CUX2: variants seen among roughly 807,000 people sequenced by gnomAD.
The protein encoded by CUX2 is homeobox protein cut-like 2.
Under a neutral mutation model 144.8 loss-of-function variants are expected in CUX2, and 40 were observed. That is an observed-to-expected ratio of 0.28 (90% CI 0.21 to 0.36). The LOEUF (loss-of-function observed/expected upper bound fraction) is 0.36, where lower values mean the gene tolerates loss of function less well. CUX2 is among the 10% of genes least tolerant of loss of function. The pLI is 1.00. For missense variants in CUX2, 1,615 were observed against 1,994.0 expected (o/e 0.81, Z 3.62); for synonymous variants, 827 against 875.6 (o/e 0.94, Z 0.98).
chr12:111,253,308 C>T (rs1167331869), intron 3 of CUX2, among the ~76,000 whole-genome samples: 1 of 150,778 alleles, frequency 6.6e-6, no homozygotes, highest in African/African-American at 2.5e-5. Context: ...TTCCCCCCGA[C>T]TCACCTCCCG....
intron 1 of CUX2, among the ~76,000 whole-genome samples, chr12:111,139,183 C>T (rs1222333339): frequency 1.3e-5 from 2 of 152,060 alleles, no homozygotes; most frequent in Non-Finnish European, 2.9e-5. Context: ...GGATGGTCTA[C>T]GAGGACCAAG....
chr12:111,315,270 G>T (rs1887133770), intron 16 of CUX2, among the ~76,000 whole-genome samples: 1 of 152,172 alleles, frequency 6.6e-6, no homozygotes, highest in African/African-American at 2.4e-5. Context: ...TGGGGACAGG[G>T]GTTTATATAT....
intron 1 of CUX2, among the ~76,000 whole-genome samples, chr12:111,126,048 G>GC (rs1875048244): frequency 6.7e-6 from 1 of 148,700 alleles, no homozygotes; most frequent in African/African-American, 2.6e-5. Context: ...GTGGCGTGGG[G>GC]GGGGCGGATT....
intron 1 of CUX2, among the ~76,000 whole-genome samples, chr12:111,093,014 C>T (rs748685652): frequency 6.6e-5 from 10 of 151,956 alleles, no homozygotes; most frequent in Non-Finnish European, 1.2e-4. Context: ...CAAGTTTTTG[C>T]CATATTGCCC....
At chr12:111,110,446 G>GT (rs1873871873) in intron 1 of CUX2, among the ~76,000 whole-genome samples, 1 of 152,090 alleles carries the variant, frequency 6.6e-6, no homozygotes, top group African/African-American at 2.4e-5. Context: ...CTTCGCCAGA[G>GT]TGACTCAAAC....
At chr12:111,089,818 AG>A (rs1872455292) in intron 1 of CUX2, among the ~76,000 whole-genome samples, 1 of 152,254 alleles carries the variant, frequency 6.6e-6, no homozygotes. Context: ...GCAGGCAAAA[AG>A]CAGAACCTAG....
chr12:111,318,988 C>T (rs1356990721), intron 16 of CUX2, among the ~76,000 whole-genome samples: 1 of 152,102 alleles, frequency 6.6e-6, no homozygotes, highest in East Asian at 1.9e-4. Flanking sequence ...TTGATCCATT[C>T]TCTGCATGGG....
chr12:111,177,895 G>T (rs1472560749), intron 1 of CUX2, among the ~76,000 whole-genome samples: 1 of 152,214 alleles, frequency 6.6e-6, no homozygotes, highest in African/African-American at 2.4e-5. Flanking sequence ...AAATATAACT[G>T]TCTCAAAGCA....
intron 4 of CUX2, among the ~76,000 whole-genome samples, chr12:111,290,181 A>G (rs768932502): frequency 6.6e-6 from 1 of 152,228 alleles, no homozygotes; most frequent in Non-Finnish European, 1.5e-5. Flanking sequence ...CCAGGGCAAC[A>G]TGGTGAGACT....
At chr12:111,298,511 C>T in intron 8 of CUX2, 30 bp from the exon 9 acceptor site, 1 of 1,559,424 alleles carries the variant, frequency 6.4e-7, no homozygotes, top group Non-Finnish European at 8.7e-7. Flanking sequence ...GCCGGAAGCC[C>T]TTCCTCAGGG....
At chr12:111,290,419 G>C (rs1885611062) in intron 4 of CUX2, among the ~76,000 whole-genome samples, 1 of 151,736 alleles carries the variant, frequency 6.6e-6, no homozygotes, top group Non-Finnish European at 1.5e-5. Flanking sequence ...GTGCCACCAT[G>C]CCCAGCTAAT....
At position 111,295,550 on chromosome 12, in the gene CUX2, C is replaced by A; in HGVS notation, c.637+141C>A. The stretch of plus-strand genomic sequence containing the variant: ...AAAATGGGAGTTTGGGAAGAATAAT[C>A]TTACCCAGTGGGGGGCTGAGCCTCT... On this transcript the variant is annotated intron_variant, in intron 7 of 21. Transcript: ENST00000261726. The surrounding 1 kb of genome is among the most constrained non-coding windows in gnomAD (Gnocchi z 5.0). 2 of 683,678 alleles carry A rather than the reference C, an allele frequency of 2.9e-6. No individual in the cohort carries two copies. The highest frequency in any genetic ancestry group is 4.8e-6 in the Non-Finnish European group (2 of 415,612). The allele number at this position is 683,678 out of a possible 1,614,324, so 42.4% of individuals were successfully genotyped here.
rs549930472 is a variant in CUX2, at chr12:111,154,393, C to T, written c.64-59807C>T. Among the ~76,000 whole-genome samples, 6 of 152,268 alleles carry T rather than the reference C, an allele frequency of 3.9e-5. No individual in the cohort carries two copies. In the South Asian group the frequency reaches 1.2e-3, roughly 32 times the overall value. On this transcript the variant is annotated intron_variant, in intron 1 of 21. Coordinates refer to ENST00000261726, the MANE Select transcript of CUX2 (RefSeq NM_015267.4). ...TCATGCAGTCCACCAGGCAGGAGCC[C>T]AGGCCACAGGGCTCCTCCCTCAGCC...
chr12:111,226,395 A>T (rs1293823639), intron 3 of CUX2, among the ~76,000 whole-genome samples: 1 of 152,200 alleles, frequency 6.6e-6, no homozygotes, highest in Non-Finnish European at 1.5e-5. Flanking sequence ...TTCCGAATTT[A>T]ATATTAAGAA....
chr12:111,315,301 A>G (rs1592956462), intron 16 of CUX2, among the ~76,000 whole-genome samples: 1 of 152,236 alleles, frequency 6.6e-6, no homozygotes, highest in Non-Finnish European at 1.5e-5. Flanking sequence ...ATCATTGTTC[A>G]TAAGAGTGAC....
At chr12:111,258,340 C>T (rs1156892592) in intron 3 of CUX2, among the ~76,000 whole-genome samples, 2 of 152,108 alleles carry the variant, frequency 1.3e-5, no homozygotes, top group Non-Finnish European at 2.9e-5. Context: ...TGGTGAAACC[C>T]CGTCTCTACT....
At chr12:111,158,370 G>A (rs1009251711) in intron 1 of CUX2, among the ~76,000 whole-genome samples, 4 of 151,832 alleles carry the variant, frequency 2.6e-5, no homozygotes, top group African/African-American at 9.7e-5. Context: ...CACTTTGGGA[G>A]GCCAAAGTGG....
chr12:111,346,921 A>G (rs1350120228), intron 21 of CUX2, among the ~76,000 whole-genome samples: 1 of 152,166 alleles, frequency 6.6e-6, no homozygotes, highest in African/African-American at 2.4e-5. Flanking sequence ...CTGAGGCAGG[A>G]GAATTGCTTG....
rs1880101422 is a variant in CUX2, at chr12:111,194,315, CTG to C, written c.64-19883_64-19882del. ...AGCACAAAATAAATGGAAGCCGTCA[CTG>C]TTATTATTCTCTCCATCCTGCATAA... On this transcript the variant is annotated intron_variant, in intron 1 of 21. Coordinates refer to ENST00000261726, the MANE Select transcript of CUX2 (RefSeq NM_015267.4). Among the ~76,000 whole-genome samples the C allele has an allele frequency of 2.6e-5, 4 of 152,342 alleles. No homozygotes were observed. The South Asian group carries it at 8.3e-4, about 32-fold the overall frequency.
Sources: allele counts gnomAD v4.1 joint callset (sites outside exome capture counted in the v4.1 genomes callset), GRCh38; gene constraint gnomAD v4.1.1; non-coding constraint Gnocchi (gnomAD v3.1); transcripts MANE v1.5; gene names NCBI Gene and HGNC (gene_info 2026-07-23, HGNC 2026-07-21).